The following NDST4 variants were observed in gnomAD, a reference collection of about 807,000 sequenced individuals.
NDST4 encodes N-heparan sulfate sulfotransferase 4.
Under a neutral mutation model 100.8 loss-of-function variants are expected in NDST4, and 63 were observed. That is an observed-to-expected ratio of 0.62 (90% CI 0.51 to 0.77). The LOEUF is 0.77. Ranked by LOEUF, NDST4 falls within the 30% of genes least tolerant of loss-of-function variation. The pLI is 0.00. For missense variants in NDST4, 943 were observed against 1,018.4 expected (o/e 0.93, Z 1.01); for synonymous variants, 377 against 361.8 (o/e 1.04, Z -0.48).
At chr4:114,972,255 G>A (rs1466259078) in intron 3 of NDST4, among the ~76,000 whole-genome samples, 1 of 151,870 alleles carries the variant, frequency 6.6e-6, no homozygotes, top group Admixed American at 6.6e-5. Flanking sequence ...GCTTCACATG[G>A]CCACCAAAGT....
chr4:115,052,328 G>A (rs2126279400), intron 2 of NDST4, among the ~76,000 whole-genome samples: 1 of 152,196 alleles, frequency 6.6e-6, no homozygotes, highest in South Asian at 2.1e-4. Context: ...TTTACTTTCA[G>A]AAGATACATA....
chr4:114,880,305 C>A (rs1033969971), intron 6 of NDST4, among the ~76,000 whole-genome samples: 2 of 152,096 alleles, frequency 1.3e-5, no homozygotes, highest in African/African-American at 4.8e-5. Context: ...TTTTAGAATA[C>A]CCTGATTTTC....
At chr4:114,932,341 C>A (rs1316033653) in intron 6 of NDST4, among the ~76,000 whole-genome samples, 7 of 151,804 alleles carry the variant, frequency 4.6e-5, no homozygotes, top group Non-Finnish European at 7.4e-5. Flanking sequence ...ATAAAATATT[C>A]ATCACAACAC....
At chr4:114,909,162 T>C (rs1205557929) in intron 6 of NDST4, among the ~76,000 whole-genome samples, 1 of 152,192 alleles carries the variant, frequency 6.6e-6, no homozygotes, top group Non-Finnish European at 1.5e-5. Flanking sequence ...AATTATCTCC[T>C]CCTATTCTGG....
At chr4:114,949,762 A>G (rs1725948548) in intron 4 of NDST4, among the ~76,000 whole-genome samples, 1 of 152,074 alleles carries the variant, frequency 6.6e-6, no homozygotes. Flanking sequence ...ACCTAAAATA[A>G]AAGCTGAGAA....
intron 2 of NDST4, among the ~76,000 whole-genome samples, chr4:115,038,915 G>A (rs1728290180): frequency 6.6e-6 from 1 of 152,158 alleles, no homozygotes; most frequent in Admixed American, 6.6e-5. Flanking sequence ...GGGAGGTCAA[G>A]GCCACGGTGA....
intron 2 of NDST4, among the ~76,000 whole-genome samples, chr4:115,046,042 A>C (rs917459281): frequency 3.3e-5 from 5 of 152,116 alleles, no homozygotes; most frequent in African/African-American, 9.7e-5. Flanking sequence ...TTCTCTGATG[A>C]GTCACCTATA....
In NDST4 at chr4:114,970,505, G is replaced by T. The variant is rs1726489081; in HGVS notation, c.1146C>A (p.Ser382Arg). ...TGTGGAAGAGGTGGGGCTGCATGTG[G>T]CTCCACATGTGAGGAAACCACCAGA... ...DEFWWFPHMWSHMQPHLFHNE... is the reference protein window; with the variant it reads ...DEFWWFPHMWRHMQPHLFHNE... Residue 382 changes from serine (S) to arginine (R), a missense_variant, in exon 4 of 14, where the codon AGC (serine) becomes AGA (arginine). Ser to Arg is a moderately radical substitution (Grantham distance 110). This residue lies in a region of NDST4 where 526 missense variants were observed against 634.1 expected (regional missense o/e 0.83). Transcript: ENST00000264363. The T allele has an allele frequency of 1.9e-6, 3 of 1,613,980 alleles. No homozygotes were observed. The highest frequency in any genetic ancestry group is 2.5e-6 in the Non-Finnish European group (3 of 1,179,888).
intron 2 of NDST4, among the ~76,000 whole-genome samples, chr4:114,979,950 GT>G (rs1268688498): frequency 2.0e-5 from 3 of 151,912 alleles, no homozygotes; most frequent in Non-Finnish European, 2.9e-5. Context: ...ATGCCATTCA[GT>G]TACAAAGGAA....
At chr4:114,925,711 T>C (rs1231769851) in intron 6 of NDST4, among the ~76,000 whole-genome samples, 1 of 151,666 alleles carries the variant, frequency 6.6e-6, no homozygotes, top group African/African-American at 2.4e-5. Context: ...AGGTGAGGTT[T>C]AGTGAGTCTA....
intron 10 of NDST4, 135 bp downstream of exon 10, chr4:114,845,688 T>C: frequency 1.4e-6 from 1 of 691,454 alleles, no homozygotes; most frequent in Non-Finnish European, 2.3e-6. Flanking sequence ...TTCTCATATT[T>C]TTTGGTGGGG....
intron 2 of NDST4, among the ~76,000 whole-genome samples, chr4:115,054,586 T>C (rs1728653698): frequency 6.6e-6 from 1 of 152,110 alleles, no homozygotes; most frequent in Admixed American, 6.6e-5. Context: ...AGACAAAATA[T>C]AGTTATTGGA....
At chr4:114,861,593 C>T (rs1560783358) in intron 7 of NDST4, among the ~76,000 whole-genome samples, 1 of 152,042 alleles carries the variant, frequency 6.6e-6, no homozygotes, top group Non-Finnish European at 1.5e-5. Context: ...ACTGTCTGTC[C>T]ACAAGATAAG....
At chr4:114,909,389 G>A (rs1481302697) in intron 6 of NDST4, among the ~76,000 whole-genome samples, 3 of 151,994 alleles carry the variant, frequency 2.0e-5, no homozygotes, top group Admixed American at 6.6e-5. Flanking sequence ...GGCCGGGCGC[G>A]GTGGCTCACG....
At chr4:114,996,250 C>T (rs1242639492) in intron 2 of NDST4, among the ~76,000 whole-genome samples, 2 of 152,138 alleles carry the variant, frequency 1.3e-5, no homozygotes, top group Middle Eastern at 3.4e-3. Flanking sequence ...GTTTTATAAG[C>T]GTCTGGTGTT....
At chr4:115,017,008 T>A (rs1727693865) in intron 2 of NDST4, among the ~76,000 whole-genome samples, 1 of 151,978 alleles carries the variant, frequency 6.6e-6, no homozygotes, top group Non-Finnish European at 1.5e-5. Context: ...TGTGTGTGTG[T>A]GTGTGTGTGT....
chr4:114,926,020 T>G (rs915957812), intron 6 of NDST4, among the ~76,000 whole-genome samples: 6 of 152,174 alleles, frequency 3.9e-5, no homozygotes, highest in African/African-American at 1.4e-4. Context: ...ACTTGAATGA[T>G]GGTGGACTAC....
chr4:114,935,359 C>A, intron 5 of NDST4, 25 bp from the exon 6 acceptor site: 1 of 1,518,890 alleles, frequency 6.6e-7, no homozygotes, highest in Non-Finnish European at 8.8e-7. Context: ...GGAAAAACAG[C>A]ACATGGACGT....
intron 1 of NDST4, among the ~76,000 whole-genome samples, chr4:115,106,962 G>A (rs754771101): frequency 3.3e-5 from 5 of 151,940 alleles, no homozygotes; most frequent in Admixed American, 1.3e-4. Context: ...CGAGGCCAGC[G>A]TGGGCAACAT....
Sources: gnomAD v4.1 joint callset for allele counts (sites outside exome capture counted in the v4.1 genomes callset) on GRCh38, gnomAD v4.1.1 for gene constraint, gnomAD v4.1.1 regional missense constraint, MANE v1.5 for transcripts, NCBI Gene and HGNC (gene_info 2026-07-23, HGNC 2026-07-21) for gene names.